PGAP4: variants seen among roughly 807,000 people sequenced by gnomAD.
PGAP4 encodes the protein GPI-N-acetylgalactosamine transferase PGAP4.
PGAP4 carries 12 observed loss-of-function variants against 28.2 expected under a neutral mutation model. The observed-to-expected ratio is 0.42, with a 90% CI of 0.27 to 0.69. The LOEUF (loss-of-function observed/expected upper bound fraction) is 0.69, where lower values mean the gene tolerates loss of function less well. PGAP4 is among the 30% of genes least tolerant of loss of function. The pLI is 0.22. For missense variants in PGAP4, 425 were observed against 513.5 expected, an observed-to-expected ratio of 0.83 and a Z score of 1.67; for synonymous variants, 205 against 211.8, an observed-to-expected ratio of 0.97 and a Z score of 0.28.
chr9:101,492,169 A>G (rs1349166956), upstream of PGAP4, among the ~76,000 whole-genome samples: 4 of 151,438 alleles, frequency 2.6e-5, no homozygotes, highest in Non-Finnish European at 5.9e-5. Flanking sequence ...GATATCTTTT[A>G]TCATTATGAA....
At chr9:101,523,675 G>A (rs542976869) in intron 2 of PGAP4, among the ~76,000 whole-genome samples, 3 of 99,772 alleles carry the variant, frequency 3.0e-5, no homozygotes, top group Middle Eastern at 0.013. Flanking sequence ...ATTGGGCTTC[G>A]CCTTTCTCTG....
intron 2 of PGAP4, among the ~76,000 whole-genome samples, chr9:101,522,943 T>G (rs1026709901): frequency 2.0e-5 from 3 of 152,156 alleles, no homozygotes; most frequent in African/African-American, 7.2e-5. Flanking sequence ...CTCTCAGCAT[T>G]TGTTTGTCTG....
At chr9:101,515,380 T>C (rs918886117) in intron 2 of PGAP4, among the ~76,000 whole-genome samples, 1 of 152,166 alleles carries the variant, frequency 6.6e-6, no homozygotes, top group Non-Finnish European at 1.5e-5. Flanking sequence ...TTCAGGATAA[T>C]TCCCCTTCTG....
intron 2 of PGAP4, among the ~76,000 whole-genome samples, chr9:101,518,834 T>A (rs1826962120): frequency 6.6e-6 from 1 of 152,234 alleles, no homozygotes. Context: ...TACCCAGTAA[T>A]GGGATTGCTG....
chr9:101,477,297 T>G (rs1826356259), intron 1 of PGAP4, 128 bp from the exon 2 acceptor site: 58 of 552,910 alleles, frequency 1.0e-4, no homozygotes, highest in Middle Eastern at 1.0e-3. Flanking sequence ...TAGGAGGCTC[T>G]GTAGCTTCTA....
At chr9:101,480,393 T>A (rs1030815982) in intron 1 of PGAP4, among the ~76,000 whole-genome samples, 4 of 151,330 alleles carry the variant, frequency 2.6e-5, no homozygotes, top group African/African-American at 9.7e-5. Context: ...TTTTTAACAT[T>A]GCTGGTTTTG....
chr9:101,477,502 C>T (rs1008485244), intron 1 of PGAP4, among the ~76,000 whole-genome samples: 1 of 152,058 alleles, frequency 6.6e-6, no homozygotes, highest in Non-Finnish European at 1.5e-5. Context: ...TTTCTATTCA[C>T]CAGCTACACA....
chr9:101,525,518 C>A (rs1827027988), intron 2 of PGAP4, among the ~76,000 whole-genome samples: 1 of 151,530 alleles, frequency 6.6e-6, no homozygotes, highest in African/African-American at 2.4e-5. Context: ...ACCAGCCTGG[C>A]CAACATGGCG....
At chr9:101,513,383 T>C (rs566618909) in intron 2 of PGAP4, among the ~76,000 whole-genome samples, 76 of 152,308 alleles carry the variant, frequency 5.0e-4, no homozygotes, top group Non-Finnish European at 9.9e-4. Context: ...GTCCAAAATA[T>C]GTTCTAATCT....
intron 2 of PGAP4, among the ~76,000 whole-genome samples, chr9:101,528,794 GTTTT>G (rs201196657): frequency 2.1e-5 from 3 of 140,290 alleles, no homozygotes; most frequent in Admixed American, 7.1e-5. Context: ...ACACTTCTTA[GTTTT>G]TTTTTTTTTT....
rs532363408 is a variant in PGAP4, at chr9:101,518,110, C to T, written c.-165+13238G>A. Reference sequence around the variant, plus strand: ...CCACGTGTACTCAATGTTTAACTTCCACTTATAAGTGAGAATATGCAGTAT... The same window carrying T: ...CCACGTGTACTCAATGTTTAACTTCTACTTATAAGTGAGAATATGCAGTAT... On this transcript the variant is annotated intron_variant, in intron 2 of 3. Coordinates refer to the PGAP4 transcript ENST00000374851. Among the ~76,000 whole-genome samples the T allele has an allele frequency of 2.8e-4, 43 of 152,166 alleles. No individual in the cohort carries two copies. In the South Asian group the frequency reaches 8.9e-3, roughly 32 times the overall value.
intron 2 of PGAP4, among the ~76,000 whole-genome samples, chr9:101,526,430 C>T (rs1487983500): frequency 6.6e-6 from 1 of 152,086 alleles, no homozygotes; most frequent in Non-Finnish European, 1.5e-5. Flanking sequence ...GCATCCAGTA[C>T]TTTTATTTTT....
chr9:101,494,639 A>G (rs961374057), intron 2 of PGAP4, among the ~76,000 whole-genome samples: 1 of 151,824 alleles, frequency 6.6e-6, no homozygotes, highest in African/African-American at 2.4e-5. Flanking sequence ...AACTTATCAG[A>G]AATCTGTGTG....
At chr9:101,529,649 G>T (rs770786032) in intron 2 of PGAP4, among the ~76,000 whole-genome samples, 2 of 152,210 alleles carry the variant, frequency 1.3e-5, no homozygotes, top group Non-Finnish European at 1.5e-5. Flanking sequence ...AGAGGGCTGA[G>T]TATGATGTAG....
intron 2 of PGAP4, among the ~76,000 whole-genome samples, chr9:101,521,582 G>A (rs926345114): frequency 6.6e-6 from 1 of 151,968 alleles, no homozygotes; most frequent in African/African-American, 2.4e-5. Context: ...TCTGAGTGAG[G>A]TTATTTGGAT....
intron 2 of PGAP4, among the ~76,000 whole-genome samples, chr9:101,492,296 C>T (rs530434631): frequency 2.3e-4 from 35 of 151,890 alleles, no homozygotes; most frequent in South Asian, 1.2e-3. Context: ...CGGGTTCAAG[C>T]GATTCTCCTG....
At chr9:101,520,241 C>T (rs1440384524) in intron 2 of PGAP4, among the ~76,000 whole-genome samples, 1 of 152,020 alleles carries the variant, frequency 6.6e-6, no homozygotes, top group African/African-American at 2.4e-5. Flanking sequence ...TTTTCTAATT[C>T]TGTGAAGAAT....
intron 2 of PGAP4, among the ~76,000 whole-genome samples, chr9:101,518,866 T>C (rs562250557): frequency 6.6e-6 from 1 of 152,332 alleles, no homozygotes; most frequent in South Asian, 2.1e-4. Context: ...AGTTCTACTT[T>C]TAGTTCTTTA....
chr9:101,531,965 C>T (rs1827094864), intron 1 of PGAP4, among the ~76,000 whole-genome samples: 1 of 152,212 alleles, frequency 6.6e-6, no homozygotes, highest in East Asian at 1.9e-4. Context: ...TAAAAGAGAG[C>T]CACGCCAAGC....
Sources: gnomAD v4.1 joint callset for allele counts (sites outside exome capture counted in the v4.1 genomes callset) on GRCh38, gnomAD v4.1.1 for gene constraint, MANE v1.5 for transcripts, NCBI Gene and HGNC (gene_info 2026-07-23, HGNC 2026-07-21) for gene names.